Variants in BTBD9 observed in about 807,000 individuals in gnomAD.
BTBD9 encodes BTB domain containing 9.
BTBD9 carries 49 observed loss-of-function variants against 64.3 expected under a neutral mutation model. The observed-to-expected ratio is 0.76, with a 90% CI of 0.61 to 0.97. The LOEUF is 0.97. BTBD9 is among the 50% of genes least tolerant of loss of function. The pLI is 0.00. For missense variants in BTBD9, 598 were observed against 762.1 expected (o/e 0.78, Z 2.53); for synonymous variants, 260 against 274.7 (o/e 0.95, Z 0.53).
chr6:38,462,159 T>C (rs1265457715), intron 6 of BTBD9, among the ~76,000 whole-genome samples: 2 of 152,202 alleles, frequency 1.3e-5, no homozygotes, highest in East Asian at 3.8e-4. Context: ...GGTTTTACAT[T>C]TGAAGTCCAG....
intron 7 of BTBD9, among the ~76,000 whole-genome samples, chr6:38,292,009 C>A (rs1398227338): frequency 6.6e-6 from 1 of 151,448 alleles, no homozygotes; most frequent in African/African-American, 2.4e-5. Flanking sequence ...TTGCCCAGGC[C>A]GGAGTGCAGT....
At position 38,282,651 on chromosome 6, in the gene BTBD9, C is replaced by T. The variant is rs567371124; in HGVS notation, c.1454+5621G>A. On this transcript the variant is annotated intron_variant, in intron 8 of 10. Transcript: ENST00000481247. ...CTCTCAGCTGGCCATGCTATCCCCT[C>T]CCTCCTGCTCCAGCCACACTGGCCT... 1.0e-3 allele frequency among the ~76,000 whole-genome samples: 157 copies of T among 152,282 alleles called. 1 individual carries two copies. The highest frequency in any genetic ancestry group is 3.6e-3 in the African/African-American group (150 of 41,550).
chr6:38,504,500 A>C (rs1160167744), intron 6 of BTBD9: 1 of 456,262 alleles, frequency 2.2e-6, no homozygotes, highest in Admixed American at 2.4e-5. Context: ...TTACCTTTTG[A>C]GGACTTTGCA....
chr6:38,267,662 G>C (rs1373102337), intron 8 of BTBD9, among the ~76,000 whole-genome samples: 1 of 152,156 alleles, frequency 6.6e-6, no homozygotes, highest in Non-Finnish European at 1.5e-5. Flanking sequence ...GAGAGGGGTC[G>C]GGCACGGTGG....
intron 8 of BTBD9, among the ~76,000 whole-genome samples, chr6:38,284,520 CTAGAT>C (rs889185225): frequency 2.0e-5 from 3 of 152,168 alleles, no homozygotes; most frequent in African/African-American, 7.2e-5. Context: ...GTAGTCCACA[CTAGAT>C]TAAAGATTCT....
rs112880155 is a variant in BTBD9, at chr6:38,288,549, C to T, written c.1265-88G>A. On this transcript the variant is annotated intron_variant, in intron 7 of 10. Coordinates refer to ENST00000481247, the MANE Select transcript of BTBD9 (RefSeq NM_001099272.2). ...TGCTCAGAACAAAATTAATTAATTG[C>T]TATCTCAAATCAATGATAAAAGAAA... 1.8e-3 allele frequency: 1,867 copies of T among 1,020,820 alleles called. 22 individuals carry two copies. In the African/African-American group the frequency reaches 0.023, roughly 13 times the overall value. 63.2% of individuals were successfully genotyped at this position (1,020,820 alleles called of 1,614,324 possible). A position where few individuals can be genotyped will look rare whatever the true frequency, so the allele number is the denominator to read the frequency against.
Position 38,305,372 on chromosome 6 carries a change from T to C in BTBD9, c.1265-16911A>G, listed in dbSNP as rs531745145. Among the ~76,000 whole-genome samples the C allele has an allele frequency of 3.3e-5, 5 of 152,308 alleles. No individual in the cohort carries two copies. The East Asian group carries it at 5.8e-4, about 18-fold the overall frequency. On this transcript the variant is annotated intron_variant, in intron 7 of 10. Coordinates refer to ENST00000481247, the MANE Select transcript of BTBD9 (RefSeq NM_001099272.2). ...CACATGCAGAAAGTTTGGTCACTCA[T>C]GGTAGACTAAAATATTGTTTGATGG... is the stretch of plus-strand genomic sequence containing the variant.
intron 4 of BTBD9, among the ~76,000 whole-genome samples, chr6:38,589,143 T>C (rs1023215189): frequency 2.0e-5 from 3 of 152,186 alleles, no homozygotes; most frequent in Admixed American, 2.0e-4. Flanking sequence ...CCTCATTCAC[T>C]TCAAAGTGAA....
chr6:38,520,626 A>G (rs1007439723), intron 6 of BTBD9, among the ~76,000 whole-genome samples: 3 of 152,010 alleles, frequency 2.0e-5, no homozygotes, highest in Non-Finnish European at 4.4e-5. Flanking sequence ...TAAAAAATTA[A>G]TTTACTGCCA....
intron 8 of BTBD9, among the ~76,000 whole-genome samples, chr6:38,271,885 G>A (rs750912706): frequency 2.1e-5 from 3 of 143,720 alleles, no homozygotes; most frequent in Admixed American, 7.5e-5. Context: ...TCTCATTTTT[G>A]TTACTGTGAC....
At chr6:38,623,147 C>T (rs1335888606) in intron 1 of BTBD9, among the ~76,000 whole-genome samples, 4 of 152,250 alleles carry the variant, frequency 2.6e-5, no homozygotes, top group African/African-American at 9.6e-5. Flanking sequence ...CCAGTTCTGT[C>T]TACCCAGCTA....
chr6:38,351,013 A>T (rs62397030), intron 6 of BTBD9, among the ~76,000 whole-genome samples: 7,375 of 152,296 alleles, frequency 0.048, 253 homozygotes, highest in Non-Finnish European at 0.07. Context: ...CAAGCCACTG[A>T]CTGGAGGGGG....
chr6:38,459,298 G>A (rs772709977), intron 6 of BTBD9, among the ~76,000 whole-genome samples: 3 of 152,168 alleles, frequency 2.0e-5, no homozygotes, highest in Non-Finnish European at 2.9e-5. Flanking sequence ...GATTACAGGC[G>A]TGAGCCATGT....
chr6:38,402,985 A>T, intron 6 of BTBD9: 1 of 444,234 alleles, frequency 2.3e-6, no homozygotes. Flanking sequence ...AGGTGGGAGA[A>T]TTGCTTAAGC....
intron 6 of BTBD9, among the ~76,000 whole-genome samples, chr6:38,409,433 AAT>A (rs1163674094): frequency 3.3e-5 from 5 of 152,208 alleles, no homozygotes; most frequent in African/African-American, 1.2e-4. Flanking sequence ...TTGTTTTTTA[AAT>A]ACTTATTTTT....
intron 6 of BTBD9, among the ~76,000 whole-genome samples, chr6:38,543,082 A>C (rs984904168): frequency 2.0e-5 from 3 of 152,130 alleles, no homozygotes; most frequent in Non-Finnish European, 4.4e-5. Flanking sequence ...CCCTCCCCTG[A>C]CTCACCATGT....
At chr6:38,445,201 A>G (rs181222831) in intron 6 of BTBD9, among the ~76,000 whole-genome samples, 3 of 152,378 alleles carry the variant, frequency 2.0e-5, no homozygotes, top group East Asian at 3.9e-4. Context: ...AGTGAGAAAT[A>G]TGGCACTAAG....
intron 6 of BTBD9, among the ~76,000 whole-genome samples, chr6:38,396,580 C>G (rs914396286): frequency 6.6e-6 from 1 of 152,194 alleles, no homozygotes; most frequent in Non-Finnish European, 1.5e-5. Flanking sequence ...TTATCCTTTA[C>G]CCTTGCCACT....
chr6:38,606,345 C>A (rs918240563), intron 1 of BTBD9, among the ~76,000 whole-genome samples: 1 of 152,012 alleles, frequency 6.6e-6, no homozygotes, highest in Non-Finnish European at 1.5e-5. Context: ...CTAATACACC[C>A]TGTCTTAAAA....
Sources: allele counts gnomAD v4.1 joint callset (sites outside exome capture counted in the v4.1 genomes callset), GRCh38; gene constraint gnomAD v4.1.1; transcripts MANE v1.5; gene names NCBI Gene and HGNC (gene_info 2026-07-23, HGNC 2026-07-21).